The following SSH3 variants were observed in gnomAD, a reference collection of about 807,000 sequenced individuals.
The protein encoded by SSH3 is slingshot protein phosphatase 3.
In SSH3, 67 loss-of-function variants were observed where a neutral mutation model predicts 75.0. The ratio of observed to expected loss-of-function variants is 0.89; its 90% CI spans 0.73 to 1.10. The LOEUF is 1.10. Ranked by LOEUF, SSH3 falls within the 50% of genes least tolerant of loss-of-function variation. SSH3 has a pLI of 0.00. For synonymous variants in SSH3, 318 were observed against 349.2 expected (o/e 0.91, Z 1.00); for missense variants, 824 against 872.7 (o/e 0.94, Z 0.70).
In SSH3 at chr11:67,308,786, G is replaced by A. The variant is rs557395891; in HGVS notation, c.1061+328G>A. ...GCAGAAAAAGGCTCCTCTTGAATGC[G>A]CCTGTGGGCCCAGCTACTTGGGAGG... On this transcript the variant is annotated intron_variant, in intron 10 of 13. Transcript: ENST00000308127. This position sits in a 1 kb window ranked among gnomAD's most constrained non-coding sequence, Gnocchi z 4.9. 6.6e-6 allele frequency among the ~76,000 whole-genome samples: 1 copy of A among 152,142 alleles called. No individual in the cohort carries two copies. The highest frequency in any genetic ancestry group is 2.4e-5 in the African/African-American group (1 of 41,498).
At chr11:67,309,686 G>T in intron 11 of SSH3, 82 bp from the exon 12 acceptor site, 1 of 1,590,834 alleles carries the variant, frequency 6.3e-7, no homozygotes. Flanking sequence ...AGTTGGTTGT[G>T]AGCCCTTCAC....
intron 3 of SSH3, among the ~76,000 whole-genome samples, chr11:67,306,521 A>T (rs1379233489): frequency 1.3e-5 from 2 of 152,140 alleles, no homozygotes; most frequent in Admixed American, 1.3e-4. Context: ...GGATCATGTG[A>T]GCCTCGGAGT....
In SSH3 at chr11:67,308,240, C is replaced by T. The variant is rs368957949; in HGVS notation, c.952C>T (p.Gln318Ter). 1 of 1,614,144 alleles carries T rather than the reference C, an allele frequency of 6.2e-7. No individual in the cohort carries two copies. Among genetic ancestry groups the T allele is most frequent in the East Asian group, 2.2e-5 (1 of 44,888 alleles). ...GCAGTACCGTGACTTCATCGACAAC[C>T]AGATGCTGCTGCTGGTGGCACAGCG... ...LQQYRDFIDN[Q>*]MLLLVAQRDR... The change falls in exon 9 of 14, where the codon CAG becomes TAG. Residue 318 changes from glutamine to a stop codon, truncating the protein, a stop_gained. Transcript: ENST00000308127. LOFTEE classifies it high-confidence loss of function. The surrounding 1 kb of genome is among the most constrained non-coding windows in gnomAD (Gnocchi z 4.9).
intron 2 of SSH3, among the ~76,000 whole-genome samples, 154 bp downstream of exon 2, chr11:67,304,309 C>G (rs1453620123): frequency 1.3e-5 from 2 of 152,228 alleles, no homozygotes; most frequent in Non-Finnish European, 2.9e-5. Flanking sequence ...GTGGGGCCGG[C>G]TGGTGGGCTC....
Position 67,309,892 on chromosome 11 carries a change from G to A in SSH3, c.1333G>A (p.Glu445Lys), listed in dbSNP as rs1237526102. ...GGAGCAGGCCCTGCGCCACGTGCAG[G>A]AGCTCCGGCCCATCGCCCGCCCCAA... is the stretch of plus-strand genomic sequence containing the variant. Reference protein sequence around the residue: ...SLEQALRHVQELRPIARPNPG... With the variant: ...SLEQALRHVQKLRPIARPNPG... The change falls in exon 12 of 14, where the codon GAG (glutamate) becomes AAG (lysine). Residue 445 changes from glutamate (E) to lysine (K), a missense_variant. Transcript: ENST00000308127. 1 of 1,611,982 alleles carries A rather than the reference G, an allele frequency of 6.2e-7. No homozygotes were observed. The highest frequency in any genetic ancestry group is 8.5e-7 in the Non-Finnish European group (1 of 1,179,972).
Position 67,304,841 on chromosome 11 carries a change from C to G in SSH3, c.173C>G (p.Ala58Gly). 1 of 1,613,686 alleles carries G rather than the reference C, an allele frequency of 6.2e-7. No homozygotes were observed. ...LQDGGDNDDA[A>G]EASSEPTEKA... ...GATGGAGGGGACAATGATGATGCAG[C>G]AGAGGCCAGTTCTGAGCCAACAGAG... Residue 58 changes from alanine (A) to glycine (G), a missense_variant, in exon 3 of 14, where the codon GCA becomes GGA. Transcript: ENST00000308127.
At position 67,309,307 on chromosome 11, in the gene SSH3, TAA is replaced by T. The variant is rs1472163630; in HGVS notation, c.1062-88_1062-87del. ...CTCCATCTGACTTGAAACTCAGAGC[TAA>T]AGCGAGGCCCAGGGGCTGCCAGGTC... On this transcript the variant is annotated intron_variant, in intron 10 of 13. Coordinates refer to ENST00000308127, the MANE Select transcript of SSH3 (RefSeq NM_017857.4). 2.9e-5 allele frequency: 45 copies of T among 1,543,860 alleles called. 1 individual carries two copies. The East Asian group carries it at 6.1e-4, about 21-fold the overall frequency.
chr11:67,306,929 C>A lies in SSH3; in HGVS notation c.431C>A (p.Thr144Lys), dbSNP rs778087544. 2 of 1,613,456 alleles carry A rather than the reference C, an allele frequency of 1.2e-6. No individual in the cohort carries two copies. The highest frequency in any genetic ancestry group is 3.3e-5 in the Admixed American group (2 of 59,974). ...REGEGLSQDE[T>K]VLLGVDFPDS... ...GGAGAAGGTCTGAGCCAGGATGAGA[C>A]GGTCCTCCTGGGCGTGGATTTCCCT... Residue 144 changes from threonine (T) to lysine (K), a missense_variant, in exon 4 of 14, where the codon ACG (threonine) becomes AAG (lysine). Thr to Lys is a moderately conservative substitution (Grantham distance 78). Transcript: ENST00000308127.
At chr11:67,304,265 A>G in intron 2 of SSH3, 110 bp downstream of exon 2, 3 of 865,408 alleles carry the variant, frequency 3.5e-6, no homozygotes. Context: ...CGCGCAGCGA[A>G]GCCCACTGCC....
Position 67,303,571 on chromosome 11 carries a change from G to T in SSH3, c.-55G>T. On this transcript the variant is annotated 5_prime_UTR_variant, in exon 1 of 14. Coordinates refer to ENST00000308127, the MANE Select transcript of SSH3 (RefSeq NM_017857.4). ...CCTGCGGGTCCAGGACTGTCCGCGG[G>T]GTTGAGGGAAGGGGCCGTGCCCGGT... The T allele has an allele frequency of 6.7e-7, 1 of 1,498,658 alleles. No individual in the cohort carries two copies. Among genetic ancestry groups the T allele is most frequent in the Non-Finnish European group, 8.9e-7 (1 of 1,122,992 alleles). 92.8% of individuals were successfully genotyped at this position (1,498,658 alleles called of 1,614,324 possible). A position where few individuals can be genotyped will look rare whatever the true frequency, so the allele number is the denominator to read the frequency against.
In SSH3 at chr11:67,303,587, C is replaced by T. The variant is rs771151080; in HGVS notation, c.-39C>T. On this transcript the variant is annotated 5_prime_UTR_variant, in exon 1 of 14. Transcript: ENST00000308127. ...TGTCCGCGGGGTTGAGGGAAGGGGC[C>T]GTGCCCGGTGCCAGCCCAGGTGCTC... 3.8e-5 allele frequency: 58 copies of T among 1,513,156 alleles called. No homozygotes were observed. In the African/African-American group the frequency reaches 7.2e-4, roughly 19 times the overall value. 93.7% of individuals were successfully genotyped at this position (1,513,156 alleles called of 1,614,324 possible).
At chr11:67,309,347 G>A (rs1016494454) in intron 10 of SSH3, 50 bp from the exon 11 acceptor site, 1 of 1,607,278 alleles carries the variant, frequency 6.2e-7, no homozygotes, top group Non-Finnish European at 8.5e-7. Flanking sequence ...ATTGCCAGTG[G>A]GCCTGGTACC....
chr11:67,306,905 G>C lies in SSH3; in HGVS notation c.407G>C (p.Gly136Ala). The change falls in exon 4 of 14, where the codon GGA (glycine) becomes GCA (alanine). Residue 136 changes from glycine (G) to alanine (A), a missense_variant. By Grantham distance (60) the Gly-to-Ala change is moderately conservative. Transcript: ENST00000308127. The part of the protein sequence containing the change: ...RYLLVVSTRE[G>A]EGLSQDETVL... ...CTGCTGGTAGTTTCTACACGAGAAGGAGAAGGTCTGAGCCAGGATGAGACG... is the reference window on the plus strand; with the variant it reads ...CTGCTGGTAGTTTCTACACGAGAAGCAGAAGGTCTGAGCCAGGATGAGACG... The C allele has an allele frequency of 6.2e-7, 1 of 1,613,788 alleles. No homozygotes were observed.
chr11:67,306,600 C>CAAAACA (rs920739295), intron 3 of SSH3, among the ~76,000 whole-genome samples: 3 of 152,168 alleles, frequency 2.0e-5, no homozygotes, highest in African/African-American at 7.2e-5. Flanking sequence ...GACCCTATCT[C>CAAAACA]AAAACAAAAA....
intron 13 of SSH3, among the ~76,000 whole-genome samples, chr11:67,311,235 G>C (rs544377402): frequency 1.3e-5 from 2 of 152,200 alleles, no homozygotes; most frequent in African/African-American, 4.8e-5. Context: ...GGCTGGTGCC[G>C]GCACGGGTTT....
intron 1 of SSH3, 171 bp downstream of exon 1, chr11:67,303,862 A>C (rs758464075): frequency 7.9e-4 from 605 of 765,094 alleles, no homozygotes; most frequent in Non-Finnish European, 1.0e-3. Flanking sequence ...GCCGGGGCAC[A>C]ATCCAGAGCC....
Position 67,307,570 on chromosome 11 carries a change from C to G in SSH3, c.624C>G (p.His208Gln). The G allele has an allele frequency of 6.2e-7, 1 of 1,611,636 alleles. No homozygotes were observed. The highest frequency in any genetic ancestry group is 8.5e-7 in the Non-Finnish European group (1 of 1,178,856). Reference sequence around the variant, plus strand: ...TCAGGGCCACACTCCAGGTATTGCACCAAGCATGTGAGGCAGCTCTAGGCA... The same window carrying G: ...TCAGGGCCACACTCCAGGTATTGCAGCAAGCATGTGAGGCAGCTCTAGGCA... ...QTMWATLQVLHQACEAALGSG... is the reference protein window; with the variant it reads ...QTMWATLQVLQQACEAALGSG... Residue 208 changes from histidine (H) to glutamine (Q), a missense_variant, in exon 7 of 14, where the codon CAC becomes CAG. Coordinates refer to ENST00000308127, the MANE Select transcript of SSH3 (RefSeq NM_017857.4). The surrounding 1 kb of genome is among the most constrained non-coding windows in gnomAD (Gnocchi z 4.2).
In SSH3 at chr11:67,307,425, C is replaced by G. The variant is rs753982628; in HGVS notation, c.591C>G (p.Ile197Met). Residue 197 changes from isoleucine to methionine, a missense_variant, in exon 6 of 14, where the codon ATC becomes ATG. By Grantham distance (10) the Ile-to-Met change is conservative. Transcript: ENST00000308127. This position sits in a 1 kb window ranked among gnomAD's most constrained non-coding sequence, Gnocchi z 4.2. The part of the protein sequence containing the change: ...GQSRIFKPIS[I>M]QTMWATLQVL... ...GCCGGATCTTCAAGCCCATCTCCAT[C>G]CAGACCATGTGGTAAGGACAGAGAC... The G allele has an allele frequency of 1.2e-6, 2 of 1,613,954 alleles. No homozygotes were observed. The highest frequency in any genetic ancestry group is 2.7e-5 in the African/African-American group (2 of 74,938).
rs993698654 is a variant in SSH3 at position 67,303,704 on chromosome 11, C to G, written c.66+13C>G. 1.4e-6 allele frequency: 2 copies of G among 1,478,234 alleles called. No individual in the cohort carries two copies. Among genetic ancestry groups the G allele is most frequent in the Non-Finnish European group, 1.8e-6 (2 of 1,121,732 alleles). The allele number at this position is 1,478,234 out of a possible 1,614,324, so 91.6% of individuals were successfully genotyped here. On this transcript the variant is annotated intron_variant, in intron 1 of 13. Transcript: ENST00000308127. ...CGTGGGGCCCTGGGTGAGTGTGGTC[C>G]GGCCGTGGTGCCGCCCACGCAGTTG...
Sources: allele counts gnomAD v4.1 joint callset (sites outside exome capture counted in the v4.1 genomes callset), GRCh38; gene constraint gnomAD v4.1.1; non-coding constraint Gnocchi (gnomAD v3.1); transcripts MANE v1.5; gene names NCBI Gene and HGNC (gene_info 2026-07-23, HGNC 2026-07-21).